The following TMCC2 variants were observed in gnomAD, a reference collection of about 807,000 sequenced individuals.
The protein encoded by TMCC2 is transmembrane and coiled-coil domains protein 2.
Under a neutral mutation model 49.4 loss-of-function variants are expected in TMCC2, and 16 were observed. That is an observed-to-expected ratio of 0.32 (90% CI 0.22 to 0.49). The LOEUF (loss-of-function observed/expected upper bound fraction) is 0.49. Among genes scored for constraint, TMCC2 ranks in the 20% least tolerant of loss-of-function variants. The pLI, the probability that TMCC2 is intolerant of heterozygous loss-of-function variation, is 0.99. For missense variants in TMCC2, 762 were observed against 989.8 expected (o/e 0.77, Z 3.09); for synonymous variants, 397 against 434.1 (o/e 0.91, Z 1.06).
chr1:205,238,683 C>G (rs995898626), intron 1 of TMCC2, among the ~76,000 whole-genome samples: 16 of 152,186 alleles, frequency 1.1e-4, no homozygotes, highest in Admixed American at 5.2e-4. Context: ...TGATACTATT[C>G]TGGGACACAT....
intron 1 of TMCC2, among the ~76,000 whole-genome samples, chr1:205,232,972 A>C (rs1574825753): frequency 3.8e-5 from 5 of 132,032 alleles, no homozygotes; most frequent in Non-Finnish European, 6.3e-5. Context: ...ACAAAAAAAC[A>C]CACACACAAA....
At chr1:205,237,043 T>A (rs1324014412) in intron 1 of TMCC2, among the ~76,000 whole-genome samples, 27 of 152,152 alleles carry the variant, frequency 1.8e-4, no homozygotes, top group Admixed American at 1.2e-3. Context: ...GAGTTTTTTT[T>A]TTAAAATTTC....
intron 1 of TMCC2, among the ~76,000 whole-genome samples, chr1:205,237,213 C>T (rs980429980): frequency 6.6e-6 from 1 of 152,180 alleles, no homozygotes; most frequent in Non-Finnish European, 1.5e-5. Flanking sequence ...CCTGCTCCCA[C>T]TCAGGCTCCC....
In TMCC2 at chr1:205,273,085, G is replaced by A. The variant is rs1210918112; in HGVS notation, c.*961G>A. On this transcript the variant is annotated 3_prime_UTR_variant, in exon 5 of 5. Transcript: ENST00000358024. ...CCCAAGCAGCCCTACAGCCGGGATG[G>A]GAGGCACGTGGCCTCTCTTTTATCC... The A allele has an allele frequency of 6.6e-6, 1 of 152,174 alleles. No individual in the cohort carries two copies. Among genetic ancestry groups the A allele is most frequent in the East Asian group, 1.9e-4 (1 of 5,182 alleles). The allele number at this position is 152,174 out of a possible 1,614,324, so 9.4% of individuals were successfully genotyped here.
In TMCC2 at chr1:205,269,037, G is replaced by T; in HGVS notation, c.835G>T (p.Ala279Ser). ...CATCAGCCTGGACGTGCCCGATGGG[G>T]CACCGGACCCCCAGCGGACCAAGGC... ...GPISLDVPDG[A>S]PDPQRTKAAI... Residue 279 changes from alanine (A) to serine (S), a missense_variant, in exon 3 of 5, where the codon GCA becomes TCA. Transcript: ENST00000358024. 2 of 1,613,518 alleles carry T rather than the reference G, an allele frequency of 1.2e-6. No homozygotes were observed. Among genetic ancestry groups the T allele is most frequent in the African/African-American group, 2.7e-5 (2 of 75,036 alleles).
At chr1:205,266,667 G>A (rs183062864) in intron 2 of TMCC2, among the ~76,000 whole-genome samples, 1 of 151,740 alleles carries the variant, frequency 6.6e-6, no homozygotes, top group East Asian at 1.9e-4. Context: ...TAAATTTGTT[G>A]GTATAATTTC....
At chr1:205,250,367 C>CAGGGTGGTTTAGTGGGAGAGG (rs1660618900) in intron 2 of TMCC2, among the ~76,000 whole-genome samples, 1 of 151,938 alleles carries the variant, frequency 6.6e-6, no homozygotes, top group African/African-American at 2.4e-5. Flanking sequence ...ATGAGGAAAC[C>CAGGGTGGTTTAGTGGGAGAGG]CCGTCTCTAC....
Position 205,241,478 on chromosome 1 carries a change from CAGGGT to C in TMCC2, c.208-26_208-22del. The C allele has an allele frequency of 1.2e-6, 2 of 1,609,086 alleles. No individual in the cohort carries two copies. The highest frequency in any genetic ancestry group is 1.7e-6 in the Non-Finnish European group (2 of 1,177,638). On this transcript the variant is annotated intron_variant, in intron 1 of 4. Coordinates refer to ENST00000358024, the MANE Select transcript of TMCC2 (RefSeq NM_014858.4). This position sits in a 1 kb window ranked among gnomAD's most constrained non-coding sequence, Gnocchi z 7.3. ...AGGCAATCAAGAGCTTTCCACTCACCAGGGTTCTTCATCTCTCCCCCTTAAGAAAA... is the reference window on the plus strand; with the variant it reads ...AGGCAATCAAGAGCTTTCCACTCACCTCTTCATCTCTCCCCCTTAAGAAAA...
In TMCC2 at chr1:205,252,257, A is replaced by C. The variant is rs148776451; in HGVS notation, c.747+10213A>C. 3.0e-4 allele frequency among the ~76,000 whole-genome samples: 45 copies of C among 152,320 alleles called. No individual in the cohort carries two copies. In the East Asian group the frequency reaches 7.9e-3, roughly 27 times the overall value. On this transcript the variant is annotated intron_variant, in intron 2 of 4. Coordinates refer to ENST00000358024, the MANE Select transcript of TMCC2 (RefSeq NM_014858.4). ...GGCATTAGATGGGCAGAGGACCAGC[A>C]GGAGAGATGGCATACTCCCTCCCTG...
chr1:205,239,678 G>A (rs1660191942), intron 1 of TMCC2, among the ~76,000 whole-genome samples: 1 of 152,226 alleles, frequency 6.6e-6, no homozygotes, highest in African/African-American at 2.4e-5. Context: ...AGTTCGTGAT[G>A]AGTTGTGATG....
Position 205,269,500 on chromosome 1 carries a change from G to T in TMCC2, c.1298G>T (p.Arg433Leu), listed in dbSNP as rs143483599. 3.1e-6 allele frequency: 5 copies of T among 1,608,852 alleles called. No homozygotes were observed. In the African/African-American group the frequency reaches 5.3e-5, roughly 17 times the overall value. Residue 433 changes from arginine (R) to leucine (L), a missense_variant, in exon 3 of 5, where the codon CGC (arginine) becomes CTC (leucine). Coordinates refer to ENST00000358024, the MANE Select transcript of TMCC2 (RefSeq NM_014858.4). ...CCCCGGGAGTTTGCCAGCCTCATCC[G>T]CAACAAGTTTGGCAGTGCTGACAAC... ...SKPREFASLI[R>L]NKFGSADNIA...
At chr1:205,239,763 T>G (rs1660194465) in intron 1 of TMCC2, among the ~76,000 whole-genome samples, 3 of 152,158 alleles carry the variant, frequency 2.0e-5, no homozygotes, top group Admixed American at 2.0e-4. Context: ...GATACTCAAA[T>G]GAGGTGAAAA....
chr1:205,258,908 C>G (rs145834145), intron 2 of TMCC2, among the ~76,000 whole-genome samples: 1 of 152,194 alleles, frequency 6.6e-6, no homozygotes, highest in Non-Finnish European at 1.5e-5. Flanking sequence ...TTCTTTATCC[C>G]GAGAGGGCCA....
chr1:205,266,589 C>CA (rs61561095), intron 2 of TMCC2, among the ~76,000 whole-genome samples: 2,855 of 136,682 alleles, frequency 0.021, 88 homozygotes, highest in African/African-American at 0.073. Context: ...ACCCCGTCTC[C>CA]AAAAAAAAAC....
intron 2 of TMCC2, among the ~76,000 whole-genome samples, chr1:205,254,413 A>G (rs1308539357): frequency 6.6e-6 from 1 of 152,070 alleles, no homozygotes; most frequent in African/African-American, 2.4e-5. Context: ...CCATGCCACC[A>G]TGCTTTGGGC....
At chr1:205,237,093 C>G (rs1032942530) in intron 1 of TMCC2, among the ~76,000 whole-genome samples, 2 of 151,922 alleles carry the variant, frequency 1.3e-5, no homozygotes, top group Non-Finnish European at 2.9e-5. Context: ...TTCCAAAAAT[C>G]TTTCATCACT....
At chr1:205,259,158 G>T (rs918341644) in intron 2 of TMCC2, among the ~76,000 whole-genome samples, 1 of 151,826 alleles carries the variant, frequency 6.6e-6, no homozygotes, top group Non-Finnish European at 1.5e-5. Flanking sequence ...CTTTCCTAAA[G>T]GGAAGCATAG....
In TMCC2 at chr1:205,229,562, T is replaced by TGGCGGG. The variant is rs1659707887; in HGVS notation, c.207+800_207+805dup. Reference sequence around the variant, plus strand: ...TGAAGGGGCGGGGGGGGGGGGGTGGTGGCGGGGGCGGGGGGGGAAGGTGGA... The same window carrying TGGCGGG: ...TGAAGGGGCGGGGGGGGGGGGGTGGTGGCGGGGGCGGGGGCGGGGGGGGAAGGTGGA... On this transcript the variant is annotated intron_variant, in intron 1 of 4. Coordinates refer to ENST00000358024, the MANE Select transcript of TMCC2 (RefSeq NM_014858.4). 1.3e-5 allele frequency: 6 copies of TGGCGGG among 453,994 alleles called. No individual in the cohort carries two copies. In the African/African-American group the frequency reaches 6.5e-4, roughly 49 times the overall value. 28.1% of individuals were successfully genotyped at this position (453,994 alleles called of 1,614,324 possible).
In TMCC2 at chr1:205,271,408, G is replaced by A. The variant is rs570230223; in HGVS notation, c.1818+153G>A. The A allele has an allele frequency of 2.0e-4, 265 of 1,294,414 alleles. 2 individuals carry two copies. The African/African-American group carries it at 3.1e-3, about 15-fold the overall frequency. 80.2% of individuals were successfully genotyped at this position (1,294,414 alleles called of 1,614,324 possible). Reference sequence around the variant, plus strand: ...ACATGGATGAAGAGGGCAGCGTAGCGGGAGCGGAGTGGAGTGAGCAAGACA... The same window carrying A: ...ACATGGATGAAGAGGGCAGCGTAGCAGGAGCGGAGTGGAGTGAGCAAGACA... On this transcript the variant is annotated intron_variant, in intron 4 of 4. Transcript: ENST00000358024.
Sources: gnomAD v4.1 joint callset for allele counts (sites outside exome capture counted in the v4.1 genomes callset) on GRCh38, gnomAD v4.1.1 for gene constraint, Gnocchi (gnomAD v3.1) non-coding constraint, MANE v1.5 for transcripts, NCBI Gene and HGNC (gene_info 2026-07-23, HGNC 2026-07-21) for gene names.